The following SPTBN2 variants were observed in gnomAD, a reference collection of about 807,000 sequenced individuals.
The protein encoded by SPTBN2 is spectrin beta, non-erythrocytic 2.
SPTBN2 carries 107 observed loss-of-function variants against 284.2 expected under a neutral mutation model. The ratio of observed to expected loss-of-function variants is 0.38; its 90% CI spans 0.32 to 0.44. The LOEUF (loss-of-function observed/expected upper bound fraction) is 0.44, where lower values mean the gene tolerates loss of function less well. Among genes scored for constraint, SPTBN2 ranks in the 20% least tolerant of loss-of-function variants. The pLI is 1.00. For synonymous variants in SPTBN2, 1,289 were observed against 1,354.8 expected (o/e 0.95, Z 1.07); for missense variants, 2,569 against 3,287.1 (o/e 0.78, Z 5.34).
rs780053957 is a variant in SPTBN2, at chr11:66,694,375, CAGG to C, written c.4279-15_4279-13del. 3 of 1,613,182 alleles carry C rather than the reference CAGG, an allele frequency of 1.9e-6. No homozygotes were observed. On this transcript the variant is annotated splice_polypyrimidine_tract_variant and intron_variant, in intron 21 of 37. Coordinates refer to ENST00000533211, the MANE Select transcript of SPTBN2 (RefSeq NM_006946.4). ...TCCCATTCCAGCATCTGCAAACCGC[CAGG>C]AGGAAGGACATGTTAGCTCTGCATT...
intron 19 of SPTBN2, 82 bp downstream of exon 19, chr11:66,698,910 G>A (rs986040357): frequency 2.2e-5 from 35 of 1,597,878 alleles, no homozygotes; most frequent in Middle Eastern, 1.8e-4. Context: ...CACAGTCTCC[G>A]GTACCTTGTG....
chr11:66,704,955 T>G lies in SPTBN2; in HGVS notation c.2321A>C (p.Glu774Ala), dbSNP rs201252554. 23 of 1,609,872 alleles carry G rather than the reference T, an allele frequency of 1.4e-5. No individual in the cohort carries two copies. The highest frequency in any genetic ancestry group is 8.5e-7 in the Non-Finnish European group (1 of 1,179,882). Reference sequence around the variant, plus strand: ...CGTGGAGAACTCGTCGTGCCCCAGCTCGGGGCTGGACACCAGGCGCAGTGC... The same window carrying G: ...CGTGGAGAACTCGTCGTGCCCCAGCGCGGGGCTGGACACCAGGCGCAGTGC... The part of the protein sequence containing the change: ...VDALRLVSSP[E>A]LGHDEFSTQA... The change falls in exon 15 of 38, where the codon GAG becomes GCG. Residue 774 changes from glutamate to alanine, a missense_variant. This residue lies in a region of SPTBN2 where 1,012 missense variants were observed against 1,248.9 expected (regional missense o/e 0.81). Transcript: ENST00000533211.
chr11:66,721,315 A>C, intron 2 of SPTBN2, 35 bp downstream of exon 2: 1 of 1,588,280 alleles, frequency 6.3e-7, no homozygotes, highest in Admixed American at 1.7e-5. Context: ...CAAGCCCTCC[A>C]CTCACCACCG....
At chr11:66,719,225 G>A (rs545605718) in intron 3 of SPTBN2, among the ~76,000 whole-genome samples, 25 of 152,346 alleles carry the variant, frequency 1.6e-4, no homozygotes, top group South Asian at 2.1e-4. Context: ...TCTGTGAAAC[G>A]AGGGCTGTTA....
At chr11:66,720,780 TGCC>T (rs970839851) in intron 3 of SPTBN2, among the ~76,000 whole-genome samples, 12 of 151,300 alleles carry the variant, frequency 7.9e-5, no homozygotes, top group Admixed American at 5.9e-4. Context: ...AGAGCGAGAG[TGCC>T]GAAGGATGAA....
intron 7 of SPTBN2, 82 bp from the exon 8 acceptor site, chr11:66,713,828 C>T: frequency 8.1e-7 from 1 of 1,228,082 alleles, no homozygotes; most frequent in Non-Finnish European, 1.2e-6. Context: ...AATCTTTATC[C>T]CTAAGTCACC....
intron 20 of SPTBN2, among the ~76,000 whole-genome samples, chr11:66,696,873 T>G (rs1264341496): frequency 1.3e-5 from 2 of 152,190 alleles, no homozygotes; most frequent in Non-Finnish European, 2.9e-5. Context: ...TTGCCATCAT[T>G]TTGTATTTCT....
In SPTBN2 at chr11:66,688,261, C is replaced by G; in HGVS notation, c.6282G>C (p.Arg2094=). ...GTTCGGGAGCAGGCGGCTGTTTCCG[C>G]CGCTCCTCCTCCTCCCTCTTTCTCT... ...ERKRKREEEE[R]RKQPPAPEPT... is the part of the protein sequence containing the mutation. Residue 2094 remains arginine, a synonymous_variant, in exon 32 of 38, where the codon CGG becomes CGC. Coordinates refer to ENST00000533211, the MANE Select transcript of SPTBN2 (RefSeq NM_006946.4). 1 of 1,612,934 alleles carries G rather than the reference C, an allele frequency of 6.2e-7. No homozygotes were observed.
rs201711434 is a variant in SPTBN2 at position 66,687,038 on chromosome 11, G to A, written c.6852C>T (p.Ser2284=). ...TGCGCTTTCGGTAATCAAAGGCGAC[G>A]CTGCCCTGGGCCCTGGCCAGGCTGA... ...VPVSLARAQG[S]VAFDYRKRKH... is the part of the protein sequence containing the mutation. Residue 2284 remains serine (S), a synonymous_variant, in exon 36 of 38, where the codon AGC becomes AGT. Coordinates refer to ENST00000533211, the MANE Select transcript of SPTBN2 (RefSeq NM_006946.4). This position sits in a 1 kb window ranked among gnomAD's most constrained non-coding sequence, Gnocchi z 5.2. 17 of 1,614,082 alleles carry A rather than the reference G, an allele frequency of 1.1e-5. No individual in the cohort carries two copies. The East Asian group carries it at 1.6e-4, about 15-fold the overall frequency.
chr11:66,720,810 G>A (rs1263426635), intron 3 of SPTBN2, among the ~76,000 whole-genome samples: 1 of 152,176 alleles, frequency 6.6e-6, no homozygotes, highest in Non-Finnish European at 1.5e-5. Context: ...TGACCCGGGG[G>A]CTGAGGCCAG....
intron 1 of SPTBN2, among the ~76,000 whole-genome samples, chr11:66,743,913 T>C (rs902655972): frequency 4.6e-5 from 7 of 152,132 alleles, no homozygotes; most frequent in Admixed American, 3.9e-4. Flanking sequence ...CAGGTTGGAG[T>C]GCAATGACGC....
Position 66,687,598 on chromosome 11 carries a change from G to A in SPTBN2, c.6551C>T (p.Thr2184Ile), listed in dbSNP as rs773259540. ...AGATGGGGCCGGGCCCCGAGTCCGGGTCTGCCTCTCTCCCCGGGGCCCATT... is the reference window on the plus strand; with the variant it reads ...AGATGGGGCCGGGCCCCGAGTCCGGATCTGCCTCTCTCCCCGGGGCCCATT... The part of the protein sequence containing the change: ...EANGPRGERQ[T>I]RTRGPAPSAM... Residue 2184 changes from threonine to isoleucine, a missense_variant, in exon 35 of 38, where the codon ACC becomes ATC. Around this residue, in one of 6 missense-constraint regions of SPTBN2, gnomAD observed 1,130 missense variants for 1,317.3 expected, o/e 0.86. Transcript: ENST00000533211. This position sits in a 1 kb window ranked among gnomAD's most constrained non-coding sequence, Gnocchi z 5.2. The A allele has an allele frequency of 1.2e-6, 2 of 1,609,188 alleles. No homozygotes were observed. Among genetic ancestry groups the A allele is most frequent in the African/African-American group, 1.3e-5 (1 of 74,986 alleles).
rs480638 is a variant in SPTBN2, at chr11:66,734,972, T to C, written c.-474-5780A>G. Among the ~76,000 whole-genome samples, 674 of 152,328 alleles carry C rather than the reference T, an allele frequency of 4.4e-3. 4 individuals carry two copies. The highest frequency in any genetic ancestry group is 0.015 in the African/African-American group (638 of 41,580). On this transcript the variant is annotated intron_variant, in intron 1 of 37. Transcript: ENST00000611817. ...CTTTGTAGATGCACTGCCCTCTGCA[T>C]AGGGATGATACAGAGAGATCAAAGT...
chr11:66,725,460 T>C (rs1942581605), intron 1 of SPTBN2, among the ~76,000 whole-genome samples: 1 of 152,198 alleles, frequency 6.6e-6, no homozygotes, highest in African/African-American at 2.4e-5. Flanking sequence ...TTCTTGCCAC[T>C]GAGTAGATCA....
At chr11:66,740,477 A>C (rs1376619513) in intron 1 of SPTBN2, among the ~76,000 whole-genome samples, 2 of 152,182 alleles carry the variant, frequency 1.3e-5, no homozygotes, top group Non-Finnish European at 2.9e-5. Flanking sequence ...CCCTGATAAG[A>C]AAGCAGAGGG....
At position 66,708,165 on chromosome 11, in the gene SPTBN2, G is replaced by T. The variant is rs189411136; in HGVS notation, c.1326C>A (p.Ser442Arg). 11 of 1,613,000 alleles carry T rather than the reference G, an allele frequency of 6.8e-6. No homozygotes were observed. The highest frequency in any genetic ancestry group is 9.3e-6 in the Non-Finnish European group (11 of 1,179,908). ...CCTGGGACACGAGGCGCTGGTTCTC[G>T]CTGAGCCAGGTCTCCCGCATGGCAG... ...RKAAMRETWL[S>R]ENQRLVSQDN... Residue 442 changes from serine to arginine, a missense_variant, in exon 12 of 38, where the codon AGC (serine) becomes AGA (arginine). Ser to Arg is a moderately radical substitution (Grantham distance 110, BLOSUM62 -1). Coordinates refer to ENST00000533211, the MANE Select transcript of SPTBN2 (RefSeq NM_006946.4). This position sits in a 1 kb window ranked among gnomAD's most constrained non-coding sequence, Gnocchi z 4.4.
rs1942739796 is a variant in SPTBN2 at position 66,728,978 on chromosome 11, T to C, written c.-351A>G. On this transcript the variant is annotated 5_prime_UTR_variant, in exon 1 of 38. Transcript: ENST00000533211. ...GAACATCTCCATGGCACAGTGAAGA[T>C]TCGTCTTCTACAGATCAGATGCTCC... is the stretch of plus-strand genomic sequence containing the variant. The C allele has an allele frequency of 6.6e-6, 1 of 152,296 alleles. No homozygotes were observed. Among genetic ancestry groups the C allele is most frequent in the South Asian group, 2.1e-4 (1 of 4,820 alleles). 9.4% of individuals were successfully genotyped at this position (152,296 alleles called of 1,614,324 possible). A position where few individuals can be genotyped will look rare whatever the true frequency, so the allele number is the denominator to read the frequency against.
Position 66,721,411 on chromosome 11 carries a change from C to CA in SPTBN2, c.-85dup, listed in dbSNP as rs1942397698. On this transcript the variant is annotated 5_prime_UTR_variant, in exon 2 of 38. An upstream open reading frame in the 5' UTR loses its in-frame stop. Transcript: ENST00000533211. ...TGGCTGCTCAGTGGAAATCAGCCCC[C>CA]AGGGGAAGAGGGGAAGCCACCTGGG... 1 of 900,896 alleles carries CA rather than the reference C, an allele frequency of 1.1e-6. No individual in the cohort carries two copies. The allele number at this position is 900,896 out of a possible 1,614,324, so 55.8% of individuals were successfully genotyped here. A position where few individuals can be genotyped will look rare whatever the true frequency, so the allele number is the denominator to read the frequency against.
At position 66,708,771 on chromosome 11, in the gene SPTBN2, C is replaced by T. The variant is rs556808935; in HGVS notation, c.1191+131G>A. 4.5e-4 allele frequency: 335 copies of T among 743,042 alleles called. No homozygotes were observed. Among genetic ancestry groups the T allele is most frequent in the Non-Finnish European group, 6.9e-4 (301 of 433,538 alleles). 46.0% of individuals were successfully genotyped at this position (743,042 alleles called of 1,614,324 possible). ...AGTGTGGGCAGCTGGGCAGAGTGCT[C>T]GAGTTTCAAGTTGGGGCAGCAGATA... is the stretch of plus-strand genomic sequence containing the variant. On this transcript the variant is annotated intron_variant, in intron 11 of 37. Transcript: ENST00000533211. The surrounding 1 kb of genome is among the most constrained non-coding windows in gnomAD (Gnocchi z 4.4).
Sources: allele counts gnomAD v4.1 joint callset (sites outside exome capture counted in the v4.1 genomes callset), GRCh38; gene constraint gnomAD v4.1.1; regional missense constraint gnomAD v4.1.1; non-coding constraint Gnocchi (gnomAD v3.1); transcripts MANE v1.5; gene names NCBI Gene and HGNC (gene_info 2026-07-23, HGNC 2026-07-21).